RNF144A: variants seen among roughly 807,000 people sequenced by gnomAD.
RNF144A encodes E3 ubiquitin-protein ligase RNF144A.
A neutral mutation model predicts 38.7 loss-of-function variants in RNF144A; 11 were observed. The observed-to-expected ratio is 0.28, with a 90% CI of 0.18 to 0.47. RNF144A has a LOEUF of 0.47. Ranked by LOEUF, RNF144A falls within the 20% of genes least tolerant of loss-of-function variation. The pLI is 0.99. For missense variants in RNF144A, 316 were observed against 377.2 expected (o/e 0.84, Z 1.34); for synonymous variants, 149 against 143.9 (o/e 1.04, Z -0.25).
chr2:7,069,723 A>G (rs1189203219), downstream of RNF144A, among the ~76,000 whole-genome samples: 1 of 152,204 alleles, frequency 6.6e-6, no homozygotes, highest in Non-Finnish European at 1.5e-5. Context: ...AGGTAATTTG[A>G]GTTCAGGGAG....
At chr2:7,046,738 T>A (rs1415133366), downstream of RNF144A, among the ~76,000 whole-genome samples, 2 of 152,288 alleles carry the variant, frequency 1.3e-5, no homozygotes, top group East Asian at 3.9e-4. Flanking sequence ...AAGGAAGTGG[T>A]TGTGCGTACA....
downstream of RNF144A, among the ~76,000 whole-genome samples, chr2:7,044,482 C>T (rs1247251168): frequency 3.9e-5 from 6 of 152,292 alleles, no homozygotes; most frequent in East Asian, 5.8e-4. Context: ...GGTGCCCAAC[C>T]GGTACTGCAG....
chr2:6,931,846 T>C (rs1205604996), intron 1 of RNF144A, among the ~76,000 whole-genome samples: 1 of 152,248 alleles, frequency 6.6e-6, no homozygotes, highest in Non-Finnish European at 1.5e-5. Context: ...AAGTTGTGTT[T>C]TGTGGCCTGG....
In RNF144A at chr2:7,014,751, A is replaced by G; in HGVS notation, c.280A>G (p.Lys94Glu). 1 of 1,613,032 alleles carries G rather than the reference A, an allele frequency of 6.2e-7. No homozygotes were observed. The highest frequency in any genetic ancestry group is 8.5e-7 in the Non-Finnish European group (1 of 1,179,044). Reference protein sequence around the residue: ...MVAAEIMQRYKKLQFEREVLF... With the variant: ...MVAAEIMQRYEKLQFEREVLF... ...TGCAGCTGAAATTATGCAAAGATAT[A>G]AAAAGCTACAATTTGAAAGAGGTAG... The change falls in exon 5 of 9, where the codon AAA becomes GAA. Residue 94 changes from lysine to glutamate, a missense_variant. Physicochemically the swap from Lys to Glu is moderately conservative, Grantham distance 56. Transcript: ENST00000320892.
intron 8 of RNF144A, among the ~76,000 whole-genome samples, chr2:7,034,896 C>T (rs1280826211): frequency 4.6e-5 from 7 of 152,118 alleles, no homozygotes; most frequent in Non-Finnish European, 8.8e-5. Context: ...GGGGCAGAGT[C>T]GTGATTGGCC....
At chr2:7,037,187 G>T (rs1672737012) in intron 8 of RNF144A, among the ~76,000 whole-genome samples, 1 of 152,080 alleles carries the variant, frequency 6.6e-6, no homozygotes, top group Non-Finnish European at 1.5e-5. Flanking sequence ...ATTTTTTACT[G>T]CTGGCTGCGT....
At chr2:7,035,491 G>A (rs2103455117) in intron 8 of RNF144A, among the ~76,000 whole-genome samples, 1 of 152,276 alleles carries the variant, frequency 6.6e-6, no homozygotes, top group South Asian at 2.1e-4. Context: ...AAATGGGTCA[G>A]CTGGGCCACC....
chr2:7,014,892 T>C (rs1347490798), intron 5 of RNF144A, 120 bp downstream of exon 5: 3 of 722,358 alleles, frequency 4.2e-6, no homozygotes, highest in Non-Finnish European at 7.1e-6. Flanking sequence ...AAAAAGTTGA[T>C]GTAAAATAAA....
intron 8 of RNF144A, among the ~76,000 whole-genome samples, chr2:7,034,637 A>G (rs1672545218): frequency 1.3e-5 from 2 of 152,246 alleles, no homozygotes; most frequent in Admixed American, 6.5e-5. Context: ...GCTGTGGGAA[A>G]CTCATAAGAT....
At chr2:6,961,373 T>A (rs1277500325) in intron 2 of RNF144A, among the ~76,000 whole-genome samples, 1 of 150,464 alleles carries the variant, frequency 6.6e-6, no homozygotes, top group Non-Finnish European at 1.5e-5. Context: ...TTTTCCAGAT[T>A]GAATTCCTAT....
At chr2:6,926,918 G>C (rs1385221516) in intron 1 of RNF144A, among the ~76,000 whole-genome samples, 1 of 152,176 alleles carries the variant, frequency 6.6e-6, no homozygotes, top group African/African-American at 2.4e-5. Context: ...GACTTGCAGA[G>C]AGGAAGGGAT....
intron 3 of RNF144A, among the ~76,000 whole-genome samples, chr2:7,014,062 T>G (rs908810547): frequency 6.6e-6 from 1 of 152,268 alleles, no homozygotes; most frequent in Non-Finnish European, 1.5e-5. Context: ...CTCTAAGGCT[T>G]CAGTGAAAGA....
chr2:7,003,793 A>G (rs1465610643), intron 3 of RNF144A, among the ~76,000 whole-genome samples: 1 of 152,094 alleles, frequency 6.6e-6, no homozygotes, highest in African/African-American at 2.4e-5. Context: ...CCATGTGGCC[A>G]CTCTGGGCCT....
intron 2 of RNF144A, among the ~76,000 whole-genome samples, chr2:6,971,831 G>A (rs1222841426): frequency 1.3e-5 from 2 of 152,104 alleles, no homozygotes; most frequent in Non-Finnish European, 1.5e-5. Flanking sequence ...GCTTTTCAGT[G>A]GGACCTGGGA....
chr2:7,030,470 G>T (rs893508980), intron 8 of RNF144A, among the ~76,000 whole-genome samples: 12 of 152,058 alleles, frequency 7.9e-5, no homozygotes, highest in Non-Finnish European at 1.3e-4. Context: ...ATTGTCTGAT[G>T]GGTCTTCAGC....
At chr2:6,947,073 G>A (rs1666384905) in intron 2 of RNF144A, among the ~76,000 whole-genome samples, 1 of 152,022 alleles carries the variant, frequency 6.6e-6, no homozygotes, top group Non-Finnish European at 1.5e-5. Flanking sequence ...GTATGTATGT[G>A]AACAAAGTAT....
downstream of RNF144A, among the ~76,000 whole-genome samples, chr2:7,070,667 A>G (rs1674438559): frequency 6.6e-6 from 1 of 152,224 alleles, no homozygotes. Context: ...GGAGATCTGG[A>G]CACATACACC....
At chr2:6,995,690 C>T (rs1336578108) in intron 2 of RNF144A, among the ~76,000 whole-genome samples, 4 of 152,220 alleles carry the variant, frequency 2.6e-5, no homozygotes, top group African/African-American at 9.6e-5. Flanking sequence ...TGTTTTTCTG[C>T]CTGCTTTTTA....
In RNF144A at chr2:7,059,149, C is replaced by T. The variant is rs1272898449; in HGVS notation, c.735-9067C>T. Among the ~76,000 whole-genome samples, 3 of 152,078 alleles carry T rather than the reference C, an allele frequency of 2.0e-5. No homozygotes were observed. In the South Asian group the frequency reaches 6.2e-4, roughly 31 times the overall value. ...GATCATGAGGTCAAGAGATCGAGAC[C>T]ATCCTGGCTAACACAGTGTAACCCC... On this transcript the variant is annotated intron_variant, in intron 6 of 6. Coordinates refer to the RNF144A transcript ENST00000432850.
Sources: gnomAD v4.1 joint callset for allele counts (sites outside exome capture counted in the v4.1 genomes callset) on GRCh38, gnomAD v4.1.1 for gene constraint, MANE v1.5 for transcripts, NCBI Gene and HGNC (gene_info 2026-07-23, HGNC 2026-07-21) for gene names.